ZNF407: variants seen among roughly 807,000 people sequenced by gnomAD.
The protein encoded by ZNF407 is zinc finger protein 407.
In ZNF407, 17 loss-of-function variants were observed where a neutral mutation model predicts 131.2. The observed-to-expected ratio is 0.13, with a 90% CI of 0.09 to 0.19. The LOEUF (loss-of-function observed/expected upper bound fraction) is 0.19. ZNF407 is among the 10% of genes least tolerant of loss of function. The pLI, the probability that ZNF407 is intolerant of heterozygous loss-of-function variation, is 1.00. For synonymous variants in ZNF407, 1,156 were observed against 1,062.0 expected, an observed-to-expected ratio of 1.09 and a Z score of -1.72; for missense variants, 2,681 against 2,830.6, an observed-to-expected ratio of 0.95 and a Z score of 1.20.
At chr18:74,909,940 A>G (rs73971195) in intron 7 of ZNF407, among the ~76,000 whole-genome samples, 3,833 of 152,240 alleles carry the variant, frequency 0.025, 165 homozygotes, top group African/African-American at 0.086. Flanking sequence ...GAATTTATGT[A>G]TTTCTCTTGT....
intron 1 of ZNF407, among the ~76,000 whole-genome samples, chr18:74,622,546 G>A (rs1983561317): frequency 6.6e-6 from 1 of 152,130 alleles, no homozygotes; most frequent in East Asian, 1.9e-4. Flanking sequence ...ACCACTAGAT[G>A]TTTTCATACA....
chr18:74,823,058 G>A (rs767967283), intron 4 of ZNF407, among the ~76,000 whole-genome samples: 47 of 152,176 alleles, frequency 3.1e-4, no homozygotes, highest in Admixed American at 7.2e-4. Context: ...TCATGATTTG[G>A]CTCTCCATTT....
At chr18:74,875,679 A>G (rs1223116892) in intron 4 of ZNF407, among the ~76,000 whole-genome samples, 2 of 152,198 alleles carry the variant, frequency 1.3e-5, no homozygotes, top group Non-Finnish European at 2.9e-5. Flanking sequence ...GTGCATATCC[A>G]AGTATTTAGT....
Position 75,063,808 on chromosome 18 carries a change from C to T in ZNF407, c.6087C>T (p.Ser2029=). Residue 2029 remains serine (S), a synonymous_variant, in exon 9 of 9, where the codon TCC becomes TCT. Coordinates refer to ENST00000299687, the MANE Select transcript of ZNF407 (RefSeq NM_017757.3). This position sits in a 1 kb window ranked among gnomAD's most constrained non-coding sequence, Gnocchi z 6.6. Reference sequence around the variant, plus strand: ...TCCAGCTGCCCGGGCAGGAGGTCTCCCATGTGGCTGCCGACCCCGAGGCCC... The same window carrying T: ...TCCAGCTGCCCGGGCAGGAGGTCTCTCATGTGGCTGCCGACCCCGAGGCCC... ...VLIQLPGQEV[S]HVAADPEAPE... The T allele has an allele frequency of 5.0e-6, 8 of 1,608,348 alleles. No homozygotes were observed. The highest frequency in any genetic ancestry group is 6.8e-6 in the Non-Finnish European group (8 of 1,179,408).
rs145779393 is a variant in ZNF407, at chr18:74,863,936, ATTTTTGTT to A, written c.4878-13247_4878-13240del. Among the ~76,000 whole-genome samples, 774 of 152,084 alleles carry A rather than the reference ATTTTTGTT, an allele frequency of 5.1e-3. 7 individuals are homozygous for A. Among genetic ancestry groups the A allele is most frequent in the African/African-American group, 0.016 (677 of 41,492 alleles). On this transcript the variant is annotated intron_variant, in intron 4 of 8. Transcript: ENST00000299687. ...TAATTTATTGTAATGTTATTTTCTT[ATTTTTGTT>A]TTTTTGTTTTTTTAACTATCTTAGA... is the stretch of plus-strand genomic sequence containing the variant.
At chr18:74,627,391 G>T (rs1239459854) in intron 1 of ZNF407, among the ~76,000 whole-genome samples, 1 of 152,094 alleles carries the variant, frequency 6.6e-6, no homozygotes, top group Non-Finnish European at 1.5e-5. Context: ...TTTGAAATGG[G>T]TGCATGATTC....
intron 3 of ZNF407, among the ~76,000 whole-genome samples, chr18:74,685,772 A>G (rs1967083435): frequency 6.6e-6 from 1 of 151,828 alleles, no homozygotes; most frequent in South Asian, 2.1e-4. Context: ...CTGAGGCTCC[A>G]CTCACATGCC....
chr18:74,607,305 C>A (rs1343607725), intron 1 of ZNF407, among the ~76,000 whole-genome samples: 1 of 152,178 alleles, frequency 6.6e-6, no homozygotes, highest in Non-Finnish European at 1.5e-5. Flanking sequence ...TGAGACCACA[C>A]TTCTGTAGCC....
chr18:74,782,599 TC>T (rs1465924752), intron 4 of ZNF407, among the ~76,000 whole-genome samples: 1 of 151,746 alleles, frequency 6.6e-6, no homozygotes, highest in Non-Finnish European at 1.5e-5. Flanking sequence ...CTTCCTGTTC[TC>T]CCCGTTCTCC....
At chr18:74,755,732 T>C (rs201915402) in intron 3 of ZNF407, among the ~76,000 whole-genome samples, 4 of 89,324 alleles carry the variant, frequency 4.5e-5, no homozygotes, top group East Asian at 3.2e-4. Flanking sequence ...TTCTTTCCTT[T>C]CTTTCTTTCT....
intron 8 of ZNF407, among the ~76,000 whole-genome samples, chr18:75,059,722 C>G (rs1973602332): frequency 6.6e-6 from 1 of 152,166 alleles, no homozygotes; most frequent in Non-Finnish European, 1.5e-5. Context: ...GGAAAGGAAG[C>G]ATGAATACAG....
chr18:75,019,124 G>T (rs1973077900), intron 8 of ZNF407, among the ~76,000 whole-genome samples: 1 of 151,944 alleles, frequency 6.6e-6, no homozygotes, highest in Non-Finnish European at 1.5e-5. Flanking sequence ...GGAGATATTG[G>T]ATACAAAATC....
chr18:74,602,965 C>T (rs1215999625), intron 1 of ZNF407, among the ~76,000 whole-genome samples: 1 of 149,466 alleles, frequency 6.7e-6, no homozygotes, highest in Non-Finnish European at 1.5e-5. Context: ...CCTGAGCATG[C>T]CCAGGTGTGT....
At chr18:74,819,865 A>G (rs1283229568) in intron 4 of ZNF407, among the ~76,000 whole-genome samples, 1 of 152,186 alleles carries the variant, frequency 6.6e-6, no homozygotes, top group Non-Finnish European at 1.5e-5. Flanking sequence ...CTGACAGTGG[A>G]TGGCCCTCCC....
chr18:75,026,824 C>T (rs960533544), intron 8 of ZNF407, among the ~76,000 whole-genome samples: 8 of 152,188 alleles, frequency 5.3e-5, no homozygotes, highest in Non-Finnish European at 1.0e-4. Flanking sequence ...TTCAGAACCT[C>T]GTGCCCTCAG....
At chr18:74,925,633 C>G (rs1162765088) in intron 8 of ZNF407, among the ~76,000 whole-genome samples, 5 of 152,186 alleles carry the variant, frequency 3.3e-5, no homozygotes, top group African/African-American at 1.2e-4. Flanking sequence ...GCTTTCACCC[C>G]CTTTTGTTAG....
At chr18:74,975,349 A>G (rs1377201969) in intron 8 of ZNF407, among the ~76,000 whole-genome samples, 1 of 152,168 alleles carries the variant, frequency 6.6e-6, no homozygotes, top group East Asian at 1.9e-4. Flanking sequence ...GAATTGTTTG[A>G]TCGGTGTAAT....
intron 3 of ZNF407, among the ~76,000 whole-genome samples, chr18:74,704,706 G>A (rs1967583154): frequency 6.6e-6 from 1 of 152,164 alleles, no homozygotes; most frequent in African/African-American, 2.4e-5. Context: ...TAAGTTGCGT[G>A]CTCTTTGCAT....
chr18:74,724,599 T>A (rs1968114470), intron 3 of ZNF407, among the ~76,000 whole-genome samples: 1 of 152,096 alleles, frequency 6.6e-6, no homozygotes, highest in South Asian at 2.1e-4. Flanking sequence ...ATGTGAAAAA[T>A]ATATATAGAT....
Sources: gnomAD v4.1 joint callset for allele counts (sites outside exome capture counted in the v4.1 genomes callset) on GRCh38, gnomAD v4.1.1 for gene constraint, Gnocchi (gnomAD v3.1) non-coding constraint, MANE v1.5 for transcripts, NCBI Gene and HGNC (gene_info 2026-07-23, HGNC 2026-07-21) for gene names.